PTPRB: variants seen among roughly 807,000 people sequenced by gnomAD.
The protein encoded by PTPRB is receptor-type tyrosine-protein phosphatase beta.
Under a neutral mutation model 238.1 loss-of-function variants are expected in PTPRB, and 97 were observed. The observed-to-expected ratio is 0.41, with a 90% CI of 0.35 to 0.48. PTPRB has a LOEUF of 0.48. PTPRB is among the 20% of genes least tolerant of loss of function. The pLI, the probability that PTPRB is intolerant of heterozygous loss-of-function variation, is 0.30. For missense variants in PTPRB, 2,292 were observed against 2,681.9 expected, an observed-to-expected ratio of 0.85 and a Z score of 3.21; for synonymous variants, 970 against 995.4, an observed-to-expected ratio of 0.97 and a Z score of 0.48.
rs1470215848 is a variant in PTPRB at position 70,592,339 on chromosome 12, T to C, written c.1723A>G (p.Thr575Ala). ...ELVPGRLYQV[T>A]VSCVSGELSA... ...AGTTCACCAGAGACACAGCTGACAG[T>C]AACTTGATAAAGTCGACCGGGGACT... Residue 575 changes from threonine to alanine, a missense_variant, in exon 7 of 34, where the codon ACT becomes GCT. Physicochemically the swap from Thr to Ala is moderately conservative, Grantham distance 58 (BLOSUM62 0). Coordinates refer to ENST00000334414, the MANE Select transcript of PTPRB (RefSeq NM_001109754.4). 11 of 1,614,024 alleles carry C rather than the reference T, an allele frequency of 6.8e-6. No individual in the cohort carries two copies. The highest frequency in any genetic ancestry group is 9.3e-6 in the Non-Finnish European group (11 of 1,179,888).
chr12:70,595,844 C>T (rs760018792), intron 5 of PTPRB, among the ~76,000 whole-genome samples: 3 of 152,110 alleles, frequency 2.0e-5, no homozygotes, highest in Non-Finnish European at 4.4e-5. Context: ...TCTTCAAAAC[C>T]ACTCAACAAG....
chr12:70,562,181 G>A (rs12812918), intron 16 of PTPRB, among the ~76,000 whole-genome samples: 17,233 of 152,194 alleles, frequency 0.11, 1,236 homozygotes, highest in South Asian at 0.17. Flanking sequence ...CTACTCGGGA[G>A]GCTGAAGCAA....
At chr12:70,605,946 G>T (rs79647406) in intron 4 of PTPRB, among the ~76,000 whole-genome samples, 2 of 152,022 alleles carry the variant, frequency 1.3e-5, no homozygotes, top group Non-Finnish European at 2.9e-5. Flanking sequence ...TTCCATATCT[G>T]GTATGTTCAT....
intron 30 of PTPRB, 29 bp downstream of exon 30, chr12:70,534,804 C>T (rs1379272926): frequency 5.0e-6 from 8 of 1,610,886 alleles, no homozygotes; most frequent in East Asian, 4.5e-5. Flanking sequence ...TCCCCAAGCT[C>T]GGTTGTTAAG....
rs750869262 is a variant in PTPRB, at chr12:70,539,627, C to T, written c.5776G>A (p.Glu1926Lys). ...GCTTCATTCTGCCTGAGTTGTACCT[C>T]GTATTCCTTGGATAGAAGGTAGTTG... ...DSNYLLSKEY[E>K]ELKDVGRNQS... Residue 1926 changes from glutamate to lysine, a missense_variant and splice_region_variant, in exon 26 of 34, where the codon GAG becomes AAG. Glu to Lys is a moderately conservative substitution (Grantham distance 56). Around this residue, in one of 4 missense-constraint regions of PTPRB, gnomAD observed 397 missense variants for 502.0 expected, o/e 0.79. Coordinates refer to ENST00000334414, the MANE Select transcript of PTPRB (RefSeq NM_001109754.4). 3.2e-6 allele frequency: 5 copies of T among 1,546,164 alleles called. No homozygotes were observed. The highest frequency in any genetic ancestry group is 1.9e-5 in the Admixed American group (1 of 53,316).
intron 33 of PTPRB, among the ~76,000 whole-genome samples, chr12:70,522,863 C>CTTTTTTTTTTTT (rs35913444): frequency 2.5e-5 from 3 of 118,238 alleles, no homozygotes; most frequent in South Asian, 2.7e-4. Context: ...TTTGTTTTTT[C>CTTTTTTTTTTTT]TTTTTTTTTT....
chr12:70,559,710 A>T, intron 17 of PTPRB, 86 bp from the exon 18 acceptor site: 1 of 1,252,414 alleles, frequency 8.0e-7, no homozygotes, highest in Non-Finnish European at 1.1e-6. Context: ...CATCAGACAC[A>T]CTTTTAATGT....
intron 6 of PTPRB, among the ~76,000 whole-genome samples, chr12:70,593,982 A>G (rs1411455476): frequency 6.6e-6 from 1 of 152,226 alleles, no homozygotes; most frequent in Non-Finnish European, 1.5e-5. Flanking sequence ...ATTAATACTT[A>G]GCATAGATTC....
In PTPRB at chr12:70,572,080, G is replaced by T; in HGVS notation, c.2850C>A (p.Asp950Glu). 2 of 1,607,400 alleles carry T rather than the reference G, an allele frequency of 1.2e-6. No homozygotes were observed. The highest frequency in any genetic ancestry group is 1.7e-6 in the Non-Finnish European group (2 of 1,176,626). ...TGCTAACACTGACTCCCTGGACTTT[G>T]TCAGGCACTGAAAAGGAAACAGAGA... is the stretch of plus-strand genomic sequence containing the variant. ...HSFSQERTVP[D>E]KVQGVSVSNS... Residue 950 changes from aspartate (D) to glutamate (E), a missense_variant, in exon 12 of 34, where the codon GAC (aspartate) becomes GAA (glutamate). This residue lies in a region of PTPRB where 1,205 missense variants were observed against 1,287.8 expected (regional missense o/e 0.94). Transcript: ENST00000334414.
rs202134984 is a variant in PTPRB, at chr12:70,609,804, T to C, written c.709-465A>G. 1,996 of 1,585,816 alleles carry C rather than the reference T, an allele frequency of 1.3e-3. 7 individuals carry two copies. The highest frequency in any genetic ancestry group is 2.0e-3 in the Admixed American group (114 of 55,968). ...GATCCACAAGGCCAACCCGGCTCCA[T>C]GGCTCAGCATTGCGCTCAGTAGTTA... On this transcript the variant is annotated intron_variant, in intron 3 of 33. Coordinates refer to ENST00000334414, the MANE Select transcript of PTPRB (RefSeq NM_001109754.4).
intron 27 of PTPRB, 174 bp from the exon 28 acceptor site, chr12:70,538,405 T>G: frequency 1.7e-6 from 1 of 572,010 alleles, no homozygotes; most frequent in Non-Finnish European, 3.1e-6. Flanking sequence ...GTTGCATAGG[T>G]GGCCTATAAC....
Position 70,562,983 on chromosome 12 carries a change from A to C in PTPRB, c.4029T>G (p.Asn1343Lys). ...YNIFLYNPDGNLQERAQVDPL... is the reference protein window; with the variant it reads ...YNIFLYNPDGKLQERAQVDPL... Reference sequence around the variant, plus strand: ...GGTCAACTTGAGCTCTCTCCTGGAGATTCCCATCTGGGTTGTACAAAAAGA... The same window carrying C: ...GGTCAACTTGAGCTCTCTCCTGGAGCTTCCCATCTGGGTTGTACAAAAAGA... Residue 1343 changes from asparagine to lysine, a missense_variant, in exon 16 of 34, where the codon AAT (asparagine) becomes AAG (lysine). Coordinates refer to ENST00000334414, the MANE Select transcript of PTPRB (RefSeq NM_001109754.4). The C allele has an allele frequency of 6.2e-7, 1 of 1,613,966 alleles. No homozygotes were observed. Among genetic ancestry groups the C allele is most frequent in the African/African-American group, 1.3e-5 (1 of 75,018 alleles).
In PTPRB at chr12:70,516,268, T is replaced by C. The variant is rs1406326728; in HGVS notation, c.*5221A>G. ...CACTGACTACCTAACATCCAAAATA[T>C]CAGGCCAGGAGCAATTTCAAGAAGT... On this transcript the variant is annotated 3_prime_UTR_variant, in exon 34 of 34. Transcript: ENST00000334414. 1 of 152,166 alleles carries C rather than the reference T, an allele frequency of 6.6e-6. No individual in the cohort carries two copies. Among genetic ancestry groups the C allele is most frequent in the Non-Finnish European group, 1.5e-5 (1 of 68,022 alleles). 9.4% of individuals were successfully genotyped at this position (152,166 alleles called of 1,614,324 possible). A position where few individuals can be genotyped will look rare whatever the true frequency, so the allele number is the denominator to read the frequency against.
intron 20 of PTPRB, among the ~76,000 whole-genome samples, chr12:70,553,823 A>C (rs1201795953): frequency 1.3e-5 from 2 of 152,252 alleles, no homozygotes; most frequent in Admixed American, 6.5e-5. Context: ...AGTTAAAAAG[A>C]AATGTTGTCT....
At chr12:70,552,358 C>T (rs551033233) in intron 21 of PTPRB, among the ~76,000 whole-genome samples, 1 of 151,926 alleles carries the variant, frequency 6.6e-6, no homozygotes, top group Non-Finnish European at 1.5e-5. Flanking sequence ...GTGGCGTGCA[C>T]TTGTAATCCC....
intron 1 of PTPRB, among the ~76,000 whole-genome samples, chr12:70,637,075 G>T (rs150671602): frequency 1.2e-4 from 18 of 152,292 alleles, no homozygotes; most frequent in African/African-American, 4.3e-4. Flanking sequence ...TTTCCTCGGG[G>T]TTCTTTACGC....
In PTPRB at chr12:70,560,959, T is replaced by C. The variant is rs1475897172; in HGVS notation, c.4169-25A>G. ...ACTTAAACAGAAGAAAAATTGTTAC[T>C]GAGAACAAAACAGAAACACAGGCAT... On this transcript the variant is annotated intron_variant, in intron 16 of 33. Coordinates refer to ENST00000334414, the MANE Select transcript of PTPRB (RefSeq NM_001109754.4). The surrounding 1 kb of genome is among the most constrained non-coding windows in gnomAD (Gnocchi z 4.2). 6.2e-7 allele frequency: 1 copy of C among 1,603,280 alleles called. No individual in the cohort carries two copies. The highest frequency in any genetic ancestry group is 2.2e-5 in the East Asian group (1 of 44,770).
At chr12:70,613,476 C>T (rs924657674) in intron 3 of PTPRB, among the ~76,000 whole-genome samples, 7 of 151,990 alleles carry the variant, frequency 4.6e-5, no homozygotes, top group Non-Finnish European at 7.4e-5. Context: ...CTTCTTCAGC[C>T]ACTCCTCCCC....
Sources: gnomAD v4.1 joint callset for allele counts (sites outside exome capture counted in the v4.1 genomes callset) on GRCh38, gnomAD v4.1.1 for gene constraint, gnomAD v4.1.1 regional missense constraint, Gnocchi (gnomAD v3.1) non-coding constraint, MANE v1.5 for transcripts, NCBI Gene and HGNC (gene_info 2026-07-23, HGNC 2026-07-21) for gene names.